The following RABGAP1L variants were observed in gnomAD, a reference collection of about 807,000 sequenced individuals.
The protein encoded by RABGAP1L is RAB GTPase activating protein 1 like.
A neutral mutation model predicts 137.7 loss-of-function variants in RABGAP1L; 63 were observed. The observed-to-expected ratio is 0.46, with a 90% confidence interval of 0.37 to 0.56. RABGAP1L has a LOEUF of 0.56. Ranked by LOEUF, RABGAP1L falls within the 20% of genes least tolerant of loss-of-function variation. The probability of loss-of-function intolerance (pLI) is 0.00; values close to 1 mark genes in which losing one functional copy is unlikely to be tolerated. For missense variants in RABGAP1L, 1,095 were observed against 1,244.0 expected (o/e 0.88, Z 1.80); for synonymous variants, 431 against 433.7 (o/e 0.99, Z 0.08).
At chr1:174,777,685 C>T (rs906097772) in intron 18 of RABGAP1L, among the ~76,000 whole-genome samples, 2 of 151,804 alleles carry the variant, frequency 1.3e-5, no homozygotes, top group African/African-American at 4.8e-5. Flanking sequence ...TAAAGAAATG[C>T]AAGATATTTA....
chr1:174,693,904 C>T (rs1246609364), intron 15 of RABGAP1L, among the ~76,000 whole-genome samples: 1 of 152,138 alleles, frequency 6.6e-6, no homozygotes, highest in African/African-American at 2.4e-5. Context: ...AGAAAATTTT[C>T]AGAGCAAATG....
chr1:174,717,476 C>G (rs1681116897), intron 17 of RABGAP1L, among the ~76,000 whole-genome samples: 1 of 152,140 alleles, frequency 6.6e-6, no homozygotes, highest in South Asian at 2.1e-4. Context: ...GATTAAACCT[C>G]TCGTTTAAGT....
intron 1 of RABGAP1L, among the ~76,000 whole-genome samples, chr1:174,194,195 G>T (rs1342196240): frequency 2.0e-5 from 3 of 151,730 alleles, no homozygotes; most frequent in Non-Finnish European, 4.4e-5. Flanking sequence ...ATTAATGGTG[G>T]TGGTGGTGGA....
intron 5 of RABGAP1L, among the ~76,000 whole-genome samples, chr1:174,247,732 G>A (rs1031863261): frequency 3.3e-5 from 5 of 152,132 alleles, no homozygotes; most frequent in African/African-American, 7.2e-5. Context: ...CACCTGCTAC[G>A]TGAATTGCAT....
intron 12 of RABGAP1L, among the ~76,000 whole-genome samples, chr1:174,383,825 A>C (rs536843127): frequency 2.0e-5 from 3 of 151,874 alleles, no homozygotes; most frequent in Admixed American, 2.0e-4. Context: ...CGCAACTGCA[A>C]CTCTCATATG....
At chr1:174,731,429 C>T (rs1244856482) in intron 17 of RABGAP1L, among the ~76,000 whole-genome samples, 1 of 152,202 alleles carries the variant, frequency 6.6e-6, no homozygotes, top group Non-Finnish European at 1.5e-5. Context: ...AAGGAACTTA[C>T]CCAGTGTACT....
At chr1:174,713,348 G>T (rs937994146) in intron 17 of RABGAP1L, among the ~76,000 whole-genome samples, 1 of 152,054 alleles carries the variant, frequency 6.6e-6, no homozygotes, top group African/African-American at 2.4e-5. Context: ...AAATATTATT[G>T]CAGTCTGATA....
At chr1:174,236,841 G>A (rs1373193185) in intron 4 of RABGAP1L, among the ~76,000 whole-genome samples, 203 of 110,394 alleles carry the variant, frequency 1.8e-3, no homozygotes, top group East Asian at 5.6e-3. Context: ...TTTCTGTCTC[G>A]TTGATCTGTC....
At chr1:174,391,920 C>T (rs550437199) in intron 12 of RABGAP1L, among the ~76,000 whole-genome samples, 2 of 152,228 alleles carry the variant, frequency 1.3e-5, no homozygotes, top group East Asian at 3.9e-4. Context: ...ATATGTTTTT[C>T]CTATTCAACA....
chr1:174,559,455 T>G (rs190214995), intron 13 of RABGAP1L, among the ~76,000 whole-genome samples: 1 of 152,344 alleles, frequency 6.6e-6, no homozygotes, highest in East Asian at 1.9e-4. Context: ...AAATAACCTT[T>G]TTATGTTCTA....
At chr1:174,304,807 T>A (rs1458643959) in intron 10 of RABGAP1L, among the ~76,000 whole-genome samples, 179 bp from the exon 11 acceptor site, 1 of 152,158 alleles carries the variant, frequency 6.6e-6, no homozygotes, top group Non-Finnish European at 1.5e-5. Context: ...GAACATAAAT[T>A]TAGAATATCC....
chr1:174,383,199 C>CA (rs1686351028), intron 12 of RABGAP1L, among the ~76,000 whole-genome samples: 2 of 151,086 alleles, frequency 1.3e-5, no homozygotes, highest in Admixed American at 1.3e-4. Flanking sequence ...TCAAAGCTGT[C>CA]AGACAGGGAC....
At chr1:174,436,738 T>C (rs1173110321) in intron 13 of RABGAP1L, among the ~76,000 whole-genome samples, 1 of 152,178 alleles carries the variant, frequency 6.6e-6, no homozygotes, top group Non-Finnish European at 1.5e-5. Flanking sequence ...TCCATGCCTA[T>C]GCTTGAGATC....
chr1:174,259,837 A>AT (rs57110611), intron 7 of RABGAP1L, among the ~76,000 whole-genome samples: 18,730 of 140,366 alleles, frequency 0.13, 1,350 homozygotes, highest in East Asian at 0.22. Flanking sequence ...TTATTACTGC[A>AT]TTTTTTTTTT....
chr1:174,282,039 T>C (rs1488055946), intron 10 of RABGAP1L, among the ~76,000 whole-genome samples: 1 of 152,358 alleles, frequency 6.6e-6, no homozygotes, highest in Admixed American at 6.5e-5. Flanking sequence ...TATTCCTTTG[T>C]ATAGCTGTAC....
chr1:174,602,482 G>T (rs1035760042), intron 13 of RABGAP1L, among the ~76,000 whole-genome samples: 1 of 152,142 alleles, frequency 6.6e-6, no homozygotes, highest in African/African-American at 2.4e-5. Flanking sequence ...CTCCACCTGG[G>T]TTCCTCCCAC....
Position 174,978,802 on chromosome 1 carries a change from T to C in RABGAP1L, c.2650-5T>C. 1.3e-6 allele frequency: 2 copies of C among 1,527,684 alleles called. No individual in the cohort carries two copies. The highest frequency in any genetic ancestry group is 1.8e-6 in the Non-Finnish European group (2 of 1,140,776). 94.6% of individuals were successfully genotyped at this position (1,527,684 alleles called of 1,614,324 possible). A position where few individuals can be genotyped will look rare whatever the true frequency, so the allele number is the denominator to read the frequency against. On this transcript the variant is annotated splice_polypyrimidine_tract_variant and splice_region_variant and intron_variant, in intron 22 of 25. Coordinates refer to ENST00000681986, the MANE Select transcript of RABGAP1L (RefSeq NM_001366446.1). The stretch of plus-strand genomic sequence containing the variant: ...TCCTGATATTTCTCATTCTATTCTT[T>C]CTAGCTAAAAGAAGTCTTCAGGAAA...
intron 19 of RABGAP1L, among the ~76,000 whole-genome samples, chr1:174,825,960 G>A (rs1691525424): frequency 6.6e-6 from 1 of 152,156 alleles, no homozygotes; most frequent in South Asian, 2.1e-4. Flanking sequence ...TATATTGCGA[G>A]ATGCTGAGGC....
chr1:174,892,533 A>G (rs931500511), intron 19 of RABGAP1L: 8 of 517,708 alleles, frequency 1.5e-5, no homozygotes, highest in South Asian at 8.6e-5. Flanking sequence ...CCAAGTTTCA[A>G]TAGTCTTAGC....
Sources: gnomAD v4.1 joint callset for allele counts (sites outside exome capture counted in the v4.1 genomes callset) on GRCh38, gnomAD v4.1.1 for gene constraint, MANE v1.5 for transcripts, NCBI Gene and HGNC (gene_info 2026-07-23, HGNC 2026-07-21) for gene names.